PUS7L: variants seen among roughly 807,000 people sequenced by gnomAD.
PUS7L encodes the protein pseudouridine synthase 7 like, also known as pseudouridylate synthase PUS7L.
A neutral mutation model predicts 51.1 loss-of-function variants in PUS7L; 49 were observed. That is an observed-to-expected ratio of 0.96 (90% CI 0.76 to 1.22). The LOEUF (loss-of-function observed/expected upper bound fraction) is 1.22, where lower values mean the gene tolerates loss of function less well. PUS7L is among the 50% of genes most tolerant of loss of function. The pLI is 0.00. For missense variants in PUS7L, 828 were observed against 820.6 expected (o/e 1.01, Z -0.11); for synonymous variants, 277 against 276.2 (o/e 1.00, Z -0.03).
At chr12:43,740,486 T>C (rs1256465146) in intron 5 of PUS7L, among the ~76,000 whole-genome samples, 1 of 152,182 alleles carries the variant, frequency 6.6e-6, no homozygotes, top group Middle Eastern at 3.2e-3. Flanking sequence ...AAGCCCAAGA[T>C]GATTCAGGAT....
intron 1 of PUS7L, 78 bp downstream of exon 1, chr12:43,758,652 T>TGGGGG: frequency 2.5e-5 from 18 of 708,066 alleles, no homozygotes; most frequent in African/African-American, 1.0e-4. Flanking sequence ...GCCAACCTCG[T>TGGGGG]CACCCCCCCC....
At position 43,736,536 on chromosome 12, in the gene PUS7L, G is replaced by A; in HGVS notation, c.1570C>T (p.His524Tyr). 4 of 1,614,206 alleles carry A rather than the reference G, an allele frequency of 2.5e-6. No individual in the cohort carries two copies. The highest frequency in any genetic ancestry group is 3.4e-6 in the Non-Finnish European group (4 of 1,180,032). ...TGAACATAGAATATGCGCATGGAAT[G>A]GGGTAAAGAGAACCATGCCTGGATA... is the stretch of plus-strand genomic sequence containing the variant. ...GCIQAWFSLPHSMRIFYVHAY... is the reference protein window; with the variant it reads ...GCIQAWFSLPYSMRIFYVHAY... The change falls in exon 7 of 9, where the codon CAT (histidine) becomes TAT (tyrosine). Residue 524 changes from histidine to tyrosine, a missense_variant. By Grantham distance (83) the His-to-Tyr change is moderately conservative. Transcript: ENST00000344862.
intron 2 of PUS7L, among the ~76,000 whole-genome samples, chr12:43,749,101 T>C (rs1415273104): frequency 1.3e-5 from 2 of 152,224 alleles, no homozygotes; most frequent in Admixed American, 6.5e-5. Context: ...GGTTGGCTCA[T>C]TGAAGGCTTA....
At chr12:43,757,582 G>A (rs1938845502) in intron 1 of PUS7L, among the ~76,000 whole-genome samples, 1 of 152,208 alleles carries the variant, frequency 6.6e-6, no homozygotes, top group East Asian at 1.9e-4. Flanking sequence ...AGTTCCACGT[G>A]AGGAGTAACC....
At chr12:43,746,266 G>A in intron 3 of PUS7L, 28 bp from the exon 4 acceptor site, 1 of 1,001,708 alleles carries the variant, frequency 1.0e-6, no homozygotes, top group Non-Finnish European at 1.4e-6. Context: ...TATAAACTCA[G>A]TTAAATTTTA....
chr12:43,736,609 T>C lies in PUS7L; in HGVS notation c.1497A>G (p.Arg499=), dbSNP rs758898343. 3 of 1,614,038 alleles carry C rather than the reference T, an allele frequency of 1.9e-6. No homozygotes were observed. In the Admixed American group the frequency reaches 5.0e-5, roughly 27 times the overall value. ...SLMPEFKVRE[R]ALLEALHRFG... ...AGCGGTGCAATGCCTCCAACAATGC[T>C]CTCTCACGCACTTTGAATTCAGGCA... Residue 499 remains arginine (R), a synonymous_variant, in exon 7 of 9, where the codon AGA becomes AGG. Coordinates refer to ENST00000344862, the MANE Select transcript of PUS7L (RefSeq NM_031292.5).
Position 43,730,706 on chromosome 12 carries a change from T to C in PUS7L, c.1780-4A>G. On this transcript the variant is annotated splice_polypyrimidine_tract_variant and splice_region_variant and intron_variant, in intron 8 of 8. Transcript: ENST00000344862. ...ATCCAAGTACTGGAAGAACCACCTG[T>C]GAAAGAAAAGAGGGAAAAAATATGA... The C allele has an allele frequency of 6.4e-7, 1 of 1,574,032 alleles. No individual in the cohort carries two copies. The highest frequency in any genetic ancestry group is 8.7e-7 in the Non-Finnish European group (1 of 1,153,324).
Position 43,731,738 on chromosome 12 carries a change from C to G in PUS7L, c.1746G>C (p.Glu582Asp). 1 of 1,580,506 alleles carries G rather than the reference C, an allele frequency of 6.3e-7. No individual in the cohort carries two copies. The highest frequency in any genetic ancestry group is 1.7e-5 in the Admixed American group (1 of 57,740). ...PNSKIHLVTE[E>D]EGSANMYAIH... is the part of the protein sequence containing the mutation. ...TTGCATACATATTAGCTGATCCCTCCTCTTCAGTTACCAGGTGAATCTAGT... is the reference window on the plus strand; with the variant it reads ...TTGCATACATATTAGCTGATCCCTCGTCTTCAGTTACCAGGTGAATCTAGT... The change falls in exon 8 of 9, where the codon GAG becomes GAC. Residue 582 changes from glutamate to aspartate, a missense_variant. Transcript: ENST00000344862.
Position 43,723,380 on chromosome 12 carries a change from C to T in PUS7L, c.*6996G>A, listed in dbSNP as rs1043697296. On this transcript the variant is annotated 3_prime_UTR_variant, in exon 9 of 9. Transcript: ENST00000344862. Reference sequence around the variant, plus strand: ...AAAGCAGCATTTAGACTGAATAGTTCAAAGCATATTTTAAGAGGAGATCTC... The same window carrying T: ...AAAGCAGCATTTAGACTGAATAGTTTAAAGCATATTTTAAGAGGAGATCTC... 3.3e-5 allele frequency: 5 copies of T among 152,018 alleles called. No individual in the cohort carries two copies. The highest frequency in any genetic ancestry group is 1.2e-4 in the African/African-American group (5 of 41,410). 9.4% of individuals were successfully genotyped at this position (152,018 alleles called of 1,614,324 possible). A position where few individuals can be genotyped will look rare whatever the true frequency, so the allele number is the denominator to read the frequency against.
rs1193493102 is a variant in PUS7L, at chr12:43,731,719, A to T, written c.1765T>A (p.Tyr589Asn). 2 of 1,577,354 alleles carry T rather than the reference A, an allele frequency of 1.3e-6. No homozygotes were observed. The highest frequency in any genetic ancestry group is 1.7e-6 in the Non-Finnish European group (2 of 1,151,436). ...AGCAAATTTACCTGATGTATTGCAT[A>T]CATATTAGCTGATCCCTCCTCTTCA... ...VTEEEGSANMYAIHQVVLPVL... is the reference protein window; with the variant it reads ...VTEEEGSANMNAIHQVVLPVL... The change falls in exon 8 of 9, where the codon TAT (tyrosine) becomes AAT (asparagine). Residue 589 changes from tyrosine to asparagine, a missense_variant. Transcript: ENST00000344862.
At chr12:43,742,265 A>C (rs1937936580) in intron 5 of PUS7L, among the ~76,000 whole-genome samples, 192 bp downstream of exon 5, 2 of 152,208 alleles carry the variant, frequency 1.3e-5, no homozygotes, top group Admixed American at 1.3e-4. Flanking sequence ...AAGGACACTC[A>C]CACTGTTGGC....
At chr12:43,735,862 C>T (rs968243232) in intron 7 of PUS7L, among the ~76,000 whole-genome samples, 4 of 152,074 alleles carry the variant, frequency 2.6e-5, no homozygotes, top group Admixed American at 6.6e-5. Context: ...CTGTGACCTC[C>T]GCCTCCCAGG....
At position 43,754,614 on chromosome 12, in the gene PUS7L, G is replaced by T; in HGVS notation, c.632C>A (p.Ser211Tyr). 6.2e-7 allele frequency: 1 copy of T among 1,613,048 alleles called. No individual in the cohort carries two copies. The highest frequency in any genetic ancestry group is 1.7e-5 in the Admixed American group (1 of 59,804). ...LEYKELCHLV[S>Y]EEEAFDFFKY... ...AAAAAAGTCAAATGCTTCCTCTTCA[G>T]ATACCAAATGACAAAGTTCTTTATA... The change falls in exon 2 of 9, where the codon TCT (serine) becomes TAT (tyrosine). Residue 211 changes from serine to tyrosine, a missense_variant. By Grantham distance (144) the Ser-to-Tyr change is moderately radical. Transcript: ENST00000344862.
intron 5 of PUS7L, chr12:43,739,204 A>G (rs909275777): frequency 6.6e-6 from 1 of 152,316 alleles, no homozygotes; most frequent in African/African-American, 2.4e-5. Context: ...AAAAAGCAAG[A>G]AAGATTTTAA....
intron 5 of PUS7L, among the ~76,000 whole-genome samples, chr12:43,741,295 C>A (rs1206707375): frequency 6.6e-6 from 1 of 152,158 alleles, no homozygotes; most frequent in Non-Finnish European, 1.5e-5. Flanking sequence ...AATATCTAGC[C>A]CATTCCATCT....
chr12:43,751,159 G>A (rs1204081993), intron 2 of PUS7L, among the ~76,000 whole-genome samples: 2 of 151,682 alleles, frequency 1.3e-5, no homozygotes, highest in Admixed American at 1.3e-4. Context: ...AGTTAGATGT[G>A]GCTAGGGCTG....
At chr12:43,753,470 T>A (rs1490144399) in intron 2 of PUS7L, among the ~76,000 whole-genome samples, 2 of 152,240 alleles carry the variant, frequency 1.3e-5, no homozygotes, top group Non-Finnish European at 1.5e-5. Flanking sequence ...TTTGCACCTG[T>A]AGTCCCTACA....
intron 2 of PUS7L, among the ~76,000 whole-genome samples, chr12:43,752,195 A>T (rs761633271): frequency 1.1e-4 from 17 of 152,142 alleles, no homozygotes; most frequent in Admixed American, 1.3e-4. Context: ...CCTGAAAGAA[A>T]CTGGAGGATC....
At position 43,724,716 on chromosome 12, in the gene PUS7L, C is replaced by T. The variant is rs1193828551; in HGVS notation, c.*5660G>A. On this transcript the variant is annotated 3_prime_UTR_variant, in exon 9 of 9. Coordinates refer to ENST00000344862, the MANE Select transcript of PUS7L (RefSeq NM_031292.5). ...TCGCATATTAAAGCAGTGGTAGAGCCCATCTCTGATTTCAGGGATTCTCAA... is the reference window on the plus strand; with the variant it reads ...TCGCATATTAAAGCAGTGGTAGAGCTCATCTCTGATTTCAGGGATTCTCAA... 4.6e-5 allele frequency: 7 copies of T among 152,114 alleles called. No homozygotes were observed. The highest frequency in any genetic ancestry group is 3.9e-4 in the Admixed American group (6 of 15,262). 9.4% of individuals were successfully genotyped at this position (152,114 alleles called of 1,614,324 possible).
Sources: gnomAD v4.1 joint callset for allele counts (sites outside exome capture counted in the v4.1 genomes callset) on GRCh38, gnomAD v4.1.1 for gene constraint, MANE v1.5 for transcripts, NCBI Gene and HGNC (gene_info 2026-07-23, HGNC 2026-07-21) for gene names.